The following DNAJC1 variants were observed in gnomAD, a reference collection of about 807,000 sequenced individuals.
DNAJC1 encodes DnaJ heat shock protein family (Hsp40) member C1.
In DNAJC1, 58 loss-of-function variants were observed where a neutral mutation model predicts 76.6. That is an observed-to-expected ratio of 0.76 (90% CI 0.61 to 0.94). The LOEUF (loss-of-function observed/expected upper bound fraction) is 0.94, where lower values mean the gene tolerates loss of function less well. Among genes scored for constraint, DNAJC1 ranks in the 40% least tolerant of loss-of-function variants. The pLI is 0.00. For synonymous variants in DNAJC1, 258 were observed against 267.9 expected (o/e 0.96, Z 0.36); for missense variants, 689 against 677.3 (o/e 1.02, Z -0.19).
Position 21,928,515 on chromosome 10 carries a change from C to T in DNAJC1, c.362G>A (p.Arg121Gln), listed in dbSNP as rs569693474. The change falls in exon 3 of 12, where the codon CGA (arginine) becomes CAA (glutamine). Residue 121 changes from arginine (R) to glutamine (Q), a missense_variant. Physicochemically the swap from Arg to Gln is conservative, Grantham distance 43. Coordinates refer to ENST00000376980, the MANE Select transcript of DNAJC1 (RefSeq NM_022365.4). ...AIYEVLKDDE[R>Q]RQRYDDILIN... is the part of the protein sequence containing the mutation. Reference sequence around the variant, plus strand: ...AGAAATGAACACTCACCTCTGCCTTCGTTCATCATCCTTTAAAACTTCATA... The same window carrying T: ...AGAAATGAACACTCACCTCTGCCTTTGTTCATCATCCTTTAAAACTTCATA... 9.3e-6 allele frequency: 15 copies of T among 1,612,876 alleles called. No homozygotes were observed. The highest frequency in any genetic ancestry group is 1.7e-4 in the Middle Eastern group (1 of 6,054).
At chr10:21,841,545 A>G (rs1472992281) in intron 8 of DNAJC1, among the ~76,000 whole-genome samples, 2 of 152,314 alleles carry the variant, frequency 1.3e-5, no homozygotes, top group East Asian at 3.9e-4. Flanking sequence ...AATCAAAACC[A>G]CAATGAGATA....
intron 1 of DNAJC1, among the ~76,000 whole-genome samples, chr10:21,961,624 G>C (rs774182234): frequency 3.9e-5 from 6 of 152,134 alleles, no homozygotes; most frequent in African/African-American, 1.4e-4. Context: ...TTTCTGTTTG[G>C]AGTGATGAGA....
At chr10:21,865,041 C>T (rs112522629) in intron 8 of DNAJC1, among the ~76,000 whole-genome samples, 1 of 152,062 alleles carries the variant, frequency 6.6e-6, no homozygotes, top group Non-Finnish European at 1.5e-5. Context: ...ACTAGAATGA[C>T]TAAAATTAAA....
At chr10:21,891,020 G>A (rs1244269683) in intron 7 of DNAJC1, among the ~76,000 whole-genome samples, 1 of 152,032 alleles carries the variant, frequency 6.6e-6, no homozygotes, top group Non-Finnish European at 1.5e-5. Flanking sequence ...ATGAAACCCT[G>A]TCTCTACTAA....
chr10:21,988,661 G>A (rs930596018), intron 1 of DNAJC1, among the ~76,000 whole-genome samples: 1 of 152,116 alleles, frequency 6.6e-6, no homozygotes, highest in African/African-American at 2.4e-5. Flanking sequence ...TTTAGTGAGG[G>A]TTAGCCTCAT....
At chr10:21,760,333 GA>G (rs774890466) in intron 10 of DNAJC1, among the ~76,000 whole-genome samples, 16 of 152,324 alleles carry the variant, frequency 1.1e-4, no homozygotes, top group Non-Finnish European at 2.2e-4. Flanking sequence ...TAATAGGACA[GA>G]ATAGATGACA....
intron 8 of DNAJC1, among the ~76,000 whole-genome samples, chr10:21,875,706 A>C (rs1836176091): frequency 6.6e-6 from 1 of 152,174 alleles, no homozygotes; most frequent in African/African-American, 2.4e-5. Flanking sequence ...CAGGCAGATC[A>C]CTTGTGGTCA....
At chr10:21,899,416 A>C (rs1038209756) in intron 7 of DNAJC1, among the ~76,000 whole-genome samples, 22 of 152,334 alleles carry the variant, frequency 1.4e-4, no homozygotes, top group African/African-American at 5.3e-4. Context: ...GCTGGCCAAC[A>C]GCAACAGGCT....
intron 8 of DNAJC1, among the ~76,000 whole-genome samples, chr10:21,834,008 T>C (rs1055228453): frequency 2.0e-5 from 3 of 152,006 alleles, no homozygotes; most frequent in African/African-American, 4.8e-5. Flanking sequence ...CTCACACCTG[T>C]AATCACAGCA....
chr10:21,869,977 A>G (rs1237572089), intron 8 of DNAJC1, among the ~76,000 whole-genome samples: 1 of 152,100 alleles, frequency 6.6e-6, no homozygotes, highest in Non-Finnish European at 1.5e-5. Context: ...TCAAGCATGT[A>G]ACTGACACCA....
At chr10:21,944,690 TA>T (rs545272524) in intron 1 of DNAJC1, among the ~76,000 whole-genome samples, 26 of 152,236 alleles carry the variant, frequency 1.7e-4, no homozygotes, top group African/African-American at 5.8e-4. Context: ...GAATCGAGTG[TA>T]AAAAAATGTT....
chr10:21,821,738 G>A (rs1263593904), intron 8 of DNAJC1, among the ~76,000 whole-genome samples: 1 of 151,486 alleles, frequency 6.6e-6, no homozygotes, highest in Non-Finnish European at 1.5e-5. Flanking sequence ...ATGTCTCAAG[G>A]GACATTTTAA....
intron 8 of DNAJC1, among the ~76,000 whole-genome samples, chr10:21,806,581 T>A (rs184096444): frequency 6.6e-6 from 1 of 152,242 alleles, no homozygotes; most frequent in East Asian, 1.9e-4. Flanking sequence ...AAATGAAATG[T>A]GAACAAGTAA....
chr10:21,952,756 CTCAATCAA>C (rs533597442), intron 1 of DNAJC1, among the ~76,000 whole-genome samples: 1 of 152,098 alleles, frequency 6.6e-6, no homozygotes, highest in Non-Finnish European at 1.5e-5. Context: ...AAGACTCCGT[CTCAATCAA>C]TCAATCAATC....
chr10:21,938,109 T>A (rs543535209), intron 1 of DNAJC1, among the ~76,000 whole-genome samples: 2 of 152,280 alleles, frequency 1.3e-5, no homozygotes, highest in South Asian at 4.1e-4. Context: ...TCTTTTTGGA[T>A]TCATTCCTTC....
At chr10:21,820,294 G>T (rs985138561) in intron 8 of DNAJC1, among the ~76,000 whole-genome samples, 3 of 151,992 alleles carry the variant, frequency 2.0e-5, no homozygotes, top group Non-Finnish European at 4.4e-5. Context: ...TGTCTGGGGG[G>T]GATATGCCAC....
intron 8 of DNAJC1, among the ~76,000 whole-genome samples, chr10:21,811,445 A>T (rs904595501): frequency 6.6e-6 from 1 of 151,976 alleles, no homozygotes; most frequent in Non-Finnish European, 1.5e-5. Flanking sequence ...AACAACTGAC[A>T]CCCCTGCGTG....
At chr10:21,811,751 G>A (rs1834969502) in intron 8 of DNAJC1, among the ~76,000 whole-genome samples, 1 of 152,068 alleles carries the variant, frequency 6.6e-6, no homozygotes, top group South Asian at 2.1e-4. Context: ...GTTTATGAAT[G>A]AATAGAGCTG....
intron 9 of DNAJC1, among the ~76,000 whole-genome samples, chr10:21,798,045 A>G (rs1834768020): frequency 6.6e-6 from 1 of 152,254 alleles, no homozygotes; most frequent in Admixed American, 6.5e-5. Context: ...CAAAAGCAGT[A>G]CACAAGGTCT....
Sources: allele counts gnomAD v4.1 joint callset (sites outside exome capture counted in the v4.1 genomes callset), GRCh38; gene constraint gnomAD v4.1.1; transcripts MANE v1.5; gene names NCBI Gene and HGNC (gene_info 2026-07-23, HGNC 2026-07-21).